Variants in CGGBP1 observed in about 807,000 individuals in gnomAD.
The protein encoded by CGGBP1 is CGG triplet repeat-binding protein 1.
In CGGBP1, 4 loss-of-function variants were observed where a neutral mutation model predicts 11.4. The observed-to-expected ratio is 0.35, with a 90% confidence interval of 0.17 to 0.80. The LOEUF (loss-of-function observed/expected upper bound fraction) is 0.80. Ranked by LOEUF, CGGBP1 falls within the 30% of genes least tolerant of loss-of-function variation. The pLI is 0.52. For missense variants in CGGBP1, 135 were observed against 202.1 expected (o/e 0.67, Z 2.01); for synonymous variants, 76 against 74.1 (o/e 1.03, Z -0.13).
upstream of CGGBP1, among the ~76,000 whole-genome samples, chr3:88,063,212 A>C (rs2107586496): frequency 6.6e-6 from 1 of 152,288 alleles, no homozygotes; most frequent in East Asian, 1.9e-4. Flanking sequence ...CTCTAACAAC[A>C]AAGAATTATC....
intron 2 of CGGBP1, chr3:88,140,710 T>C (rs1193142519): frequency 1.3e-5 from 21 of 1,613,640 alleles, no homozygotes; most frequent in Non-Finnish European, 1.8e-5. Flanking sequence ...CCCAGTGTTG[T>C]ACCACAAGAA....
At chr3:88,089,156 A>G (rs372255672) in intron 2 of CGGBP1, among the ~76,000 whole-genome samples, 1 of 148,646 alleles carries the variant, frequency 6.7e-6, no homozygotes, top group South Asian at 2.2e-4. Flanking sequence ...GAACTTTTTG[A>G]TTATACCTGG....
intron 2 of CGGBP1, among the ~76,000 whole-genome samples, chr3:88,071,762 C>G (rs1425736536): frequency 6.6e-6 from 1 of 152,132 alleles, no homozygotes; most frequent in Non-Finnish European, 1.5e-5. Context: ...TGAGATCGTA[C>G]CATTGCACTC....
intron 1 of CGGBP1, among the ~76,000 whole-genome samples, chr3:88,146,204 A>G (rs1707309746): frequency 6.6e-6 from 1 of 152,216 alleles, no homozygotes; most frequent in Non-Finnish European, 1.5e-5. Context: ...ATCTGGCTTA[A>G]CAAATCCTCC....
In CGGBP1 at chr3:88,052,391, C is replaced by CG. The variant is rs1161850387; in HGVS notation, c.*3081dup. ...TTTAAGGTGATTTGTCCTCATTTAA[C>CG]GGTAGCTGGGGTAAGTCAAACCACA... On this transcript the variant is annotated 3_prime_UTR_variant, in exon 4 of 4. Coordinates refer to ENST00000482016, the MANE Select transcript of CGGBP1 (RefSeq NM_001008390.2). The CG allele has an allele frequency of 6.6e-6, 1 of 152,574 alleles. No homozygotes were observed. 9.5% of individuals were successfully genotyped at this position (152,574 alleles called of 1,614,324 possible).
Position 88,066,077 on chromosome 3 carries a change from G to C in CGGBP1, c.-228-7854C>G, listed in dbSNP as rs533513494. Among the ~76,000 whole-genome samples, 11 of 152,264 alleles carry C rather than the reference G, an allele frequency of 7.2e-5. No individual in the cohort carries two copies. The East Asian group carries it at 1.2e-3, about 16-fold the overall frequency. On this transcript the variant is annotated intron_variant, in intron 2 of 3. Transcript: ENST00000462901. ...ACAAATAGATACAAGATTATTTTGA[G>C]TATGATGAAATTTTAATTCTTTGTT...
intron 2 of CGGBP1, among the ~76,000 whole-genome samples, chr3:88,092,683 AAAT>A (rs1478894469): frequency 1.3e-5 from 2 of 152,206 alleles, no homozygotes; most frequent in African/African-American, 2.4e-5. Flanking sequence ...GAAGTTTATT[AAAT>A]AATGTTATAA....
chr3:88,118,558 C>A (rs115836738), intron 2 of CGGBP1, among the ~76,000 whole-genome samples: 1,985 of 152,200 alleles, frequency 0.013, 44 homozygotes, highest in African/African-American at 0.046. Flanking sequence ...TGACTTTCCA[C>A]TAAAACCTCA....
rs78670676 is a variant in CGGBP1, at chr3:88,083,941, T to TTATATATATATATA, written c.-228-25732_-228-25719dup. Among the ~76,000 whole-genome samples, 394 of 147,732 alleles carry TTATATATATATATA rather than the reference T, an allele frequency of 2.7e-3. 2 individuals carry two copies. Among genetic ancestry groups the TTATATATATATATA allele is most frequent in the African/African-American group, 5.7e-3 (230 of 40,106 alleles). ...AATAGGACAATGTAATGTACTTATT[T>TTATATATATATATA]TATATATATATATATATATATATAT... On this transcript the variant is annotated intron_variant, in intron 2 of 3. Transcript: ENST00000462901.
At chr3:88,074,941 T>A (rs780816987) in intron 2 of CGGBP1, among the ~76,000 whole-genome samples, 6 of 152,122 alleles carry the variant, frequency 3.9e-5, no homozygotes, top group Non-Finnish European at 8.8e-5. Context: ...GGAAAACTCA[T>A]CAAGTGTTTA....
chr3:88,149,207 T>G (rs1403828010), intron 1 of CGGBP1, among the ~76,000 whole-genome samples: 2 of 152,178 alleles, frequency 1.3e-5, no homozygotes, highest in African/African-American at 2.4e-5. Flanking sequence ...CATGCACTGT[T>G]CACCCCGCCC....
intron 2 of CGGBP1, chr3:88,086,110 T>A: frequency 1.7e-6 from 1 of 590,764 alleles, no homozygotes; most frequent in Non-Finnish European, 2.9e-6. Flanking sequence ...ATCGTCAAAA[T>A]AAACAGTATA....
At chr3:88,080,733 T>C (rs868210756) in intron 2 of CGGBP1, among the ~76,000 whole-genome samples, 1 of 152,164 alleles carries the variant, frequency 6.6e-6, no homozygotes, top group Non-Finnish European at 1.5e-5. Context: ...AAAAAGTAAA[T>C]GTAGAAATCT....
chr3:88,140,896 C>G, intron 2 of CGGBP1: 1 of 1,613,514 alleles, frequency 6.2e-7, no homozygotes, highest in Non-Finnish European at 8.5e-7. Context: ...AGAGTAGATG[C>G]CTGTTCTGAT....
intron 1 of CGGBP1, among the ~76,000 whole-genome samples, chr3:88,148,110 C>A (rs1372843647): frequency 6.6e-6 from 1 of 152,200 alleles, no homozygotes; most frequent in Non-Finnish European, 1.5e-5. Context: ...CACTCACTTT[C>A]TTCTGATCTT....
intron 2 of CGGBP1, among the ~76,000 whole-genome samples, chr3:88,096,631 G>GA (rs1455871490): frequency 6.6e-6 from 1 of 152,058 alleles, no homozygotes; most frequent in Non-Finnish European, 1.5e-5. Flanking sequence ...TTCTTCTGAT[G>GA]AAAAATCTGC....
rs867517191 is a variant in CGGBP1 at position 88,058,960 on chromosome 3, C to G, written c.-476G>C. On this transcript the variant is annotated 5_prime_UTR_variant, in exon 1 of 4. Coordinates refer to ENST00000482016, the MANE Select transcript of CGGBP1 (RefSeq NM_001008390.2). ...GCCGTTGCCCGATCGAGCCCCGCGG[C>G]GGCCGCCGTGTCCCCCGCCGCGCCC... is the stretch of plus-strand genomic sequence containing the variant. The G allele has an allele frequency of 4.3e-5, 9 of 210,628 alleles. No homozygotes were observed. Among genetic ancestry groups the G allele is most frequent in the Middle Eastern group, 3.4e-3 (2 of 580 alleles). The allele number at this position is 210,628 out of a possible 1,614,324, so 13.0% of individuals were successfully genotyped here. A position where few individuals can be genotyped will look rare whatever the true frequency, so the allele number is the denominator to read the frequency against.
At position 88,053,923 on chromosome 3, in the gene CGGBP1, T is replaced by C. The variant is rs1706484883; in HGVS notation, c.*1550A>G. 1 of 152,548 alleles carries C rather than the reference T, an allele frequency of 6.6e-6. No individual in the cohort carries two copies. The highest frequency in any genetic ancestry group is 2.4e-5 in the African/African-American group (1 of 41,458). The allele number at this position is 152,548 out of a possible 1,614,324, so 9.4% of individuals were successfully genotyped here. ...TCACATTTTGATAAGTGATTTATTT[T>C]GGCGGCAGGCTTATTTTTTAATGAA... On this transcript the variant is annotated 3_prime_UTR_variant, in exon 4 of 4. Coordinates refer to ENST00000482016, the MANE Select transcript of CGGBP1 (RefSeq NM_001008390.2).
intron 2 of CGGBP1, among the ~76,000 whole-genome samples, chr3:88,124,635 A>C (rs1208383733): frequency 6.6e-6 from 1 of 152,208 alleles, no homozygotes; most frequent in African/African-American, 2.4e-5. Flanking sequence ...CTAATAAGTA[A>C]CATTTCTGAA....
Sources: allele counts gnomAD v4.1 joint callset (sites outside exome capture counted in the v4.1 genomes callset), GRCh38; gene constraint gnomAD v4.1.1; transcripts MANE v1.5; gene names NCBI Gene and HGNC (gene_info 2026-07-23, HGNC 2026-07-21).